The following NUP93 variants were observed in gnomAD, a reference collection of about 807,000 sequenced individuals.
NUP93 encodes nucleoporin 93.
In NUP93, 55 loss-of-function variants were observed where a neutral mutation model predicts 107.8. The observed-to-expected ratio is 0.51, with a 90% CI of 0.41 to 0.64. The LOEUF (loss-of-function observed/expected upper bound fraction) is 0.64, where lower values mean the gene tolerates loss of function less well. Ranked by LOEUF, NUP93 falls within the 30% of genes least tolerant of loss-of-function variation. The pLI is 0.00. For synonymous variants in NUP93, 390 were observed against 397.5 expected (o/e 0.98, Z 0.22); for missense variants, 937 against 1,044.7 (o/e 0.90, Z 1.42).
intron 3 of NUP93, among the ~76,000 whole-genome samples, chr16:56,775,146 C>T (rs1962394351): frequency 6.6e-6 from 1 of 152,120 alleles, no homozygotes; most frequent in African/African-American, 2.4e-5. Flanking sequence ...AGCGATCCAC[C>T]TACTTTGGCC....
intron 3 of NUP93, chr16:56,783,697 T>C: frequency 1.0e-6 from 1 of 985,408 alleles, no homozygotes; most frequent in Non-Finnish European, 1.2e-6. Context: ...TGTATCATGG[T>C]CGAGGTGAGC....
At chr16:56,756,427 A>T (rs978064019) in intron 2 of NUP93, among the ~76,000 whole-genome samples, 114 of 150,970 alleles carry the variant, frequency 7.6e-4, no homozygotes, top group Non-Finnish European at 1.3e-3. Context: ...GTTTGCTGAG[A>T]ATGATAGCTT....
rs886091902 is a variant in NUP93, at chr16:56,844,740, A to G, written c.*131A>G. The G allele has an allele frequency of 1.2e-5, 5 of 412,722 alleles. No homozygotes were observed. The highest frequency in any genetic ancestry group is 3.6e-5 in the East Asian group (1 of 28,102). The allele number at this position is 412,722 out of a possible 1,614,324, so 25.6% of individuals were successfully genotyped here. A position where few individuals can be genotyped will look rare whatever the true frequency, so the allele number is the denominator to read the frequency against. ...GTTTCTGTATTATGTATTTTTGTCA[A>G]CGCCAATAAATTTCTTTGATTTGTA... On this transcript the variant is annotated 3_prime_UTR_variant, in exon 22 of 22. Transcript: ENST00000308159.
rs1282662745 is a variant in NUP93 at position 56,834,398 on chromosome 16, A to G, written c.1693A>G (p.Met565Val). The change falls in exon 15 of 22, where the codon ATG becomes GTG. Residue 565 changes from methionine to valine, a missense_variant. Coordinates refer to ENST00000308159, the MANE Select transcript of NUP93 (RefSeq NM_014669.5). Reference sequence around the variant, plus strand: ...TGAGAAAGATAGTCAAGGAGAAAACATGTTTCTGCGCTGTGTGAGTGAGCT... The same window carrying G: ...TGAGAAAGATAGTCAAGGAGAAAACGTGTTTCTGCGCTGTGTGAGTGAGCT... ...RDEKDSQGEN[M>V]FLRCVSELVI... is the part of the protein sequence containing the mutation. 1 of 1,614,204 alleles carries G rather than the reference A, an allele frequency of 6.2e-7. No homozygotes were observed. The highest frequency in any genetic ancestry group is 1.1e-5 in the South Asian group (1 of 91,082).
Position 56,838,974 on chromosome 16 carries a change from G to C in NUP93, c.2041G>C (p.Ala681Pro), listed in dbSNP as rs190565265. ...CAGGTATAGGGCTCAAGGAATAAGC[G>C]CAAATAAATTTGTGGACTCCACGTT... The part of the protein sequence containing the change: ...AERYRAQGIS[A>P]NKFVDSTFYL... Residue 681 changes from alanine (A) to proline (P), a missense_variant, in exon 19 of 22, where the codon GCA becomes CCA. Physicochemically the swap from Ala to Pro is conservative, Grantham distance 27. Coordinates refer to ENST00000308159, the MANE Select transcript of NUP93 (RefSeq NM_014669.5). The C allele has an allele frequency of 5.0e-6, 8 of 1,613,730 alleles. No homozygotes were observed. Among genetic ancestry groups the C allele is most frequent in the Non-Finnish European group, 6.8e-6 (8 of 1,179,788 alleles).
At chr16:56,808,122 A>ACACAC in intron 5 of NUP93, among the ~76,000 whole-genome samples, 1 of 122,984 alleles carries the variant, frequency 8.1e-6, no homozygotes, top group Non-Finnish European at 1.7e-5. Flanking sequence ...TATATTATAT[A>ACACAC]ACTATATAAA....
intron 8 of NUP93, among the ~76,000 whole-genome samples, chr16:56,824,622 C>T (rs963273491): frequency 6.6e-6 from 1 of 152,226 alleles, no homozygotes; most frequent in Non-Finnish European, 1.5e-5. Flanking sequence ...CTTTGCCACT[C>T]AGCCTCTGCA....
intron 5 of NUP93, among the ~76,000 whole-genome samples, chr16:56,806,864 G>A (rs74021819): frequency 1.5e-3 from 229 of 152,254 alleles, no homozygotes; most frequent in African/African-American, 5.3e-3. Context: ...CCAGGAGGTG[G>A]GAGTTATTGG....
intron 1 of NUP93, among the ~76,000 whole-genome samples, chr16:56,737,468 T>C (rs1338207749): frequency 6.6e-6 from 1 of 152,194 alleles, no homozygotes; most frequent in Non-Finnish European, 1.5e-5. Flanking sequence ...TCTGAGAGAA[T>C]ACAGTTCAGT....
intron 9 of NUP93, among the ~76,000 whole-genome samples, chr16:56,830,119 T>A (rs1963749970): frequency 6.6e-6 from 1 of 152,188 alleles, no homozygotes; most frequent in Non-Finnish European, 1.5e-5. Context: ...ATAAGGATAG[T>A]CTCTTACTGG....
chr16:56,830,736 G>A, intron 10 of NUP93, 51 bp downstream of exon 10: 1 of 1,421,796 alleles, frequency 7.0e-7, no homozygotes, highest in Admixed American at 2.3e-5. Flanking sequence ...GAATCAAAGG[G>A]GCATCCTTCA....
intron 3 of NUP93, among the ~76,000 whole-genome samples, chr16:56,765,597 A>G (rs1009085114): frequency 6.6e-6 from 1 of 152,230 alleles, no homozygotes; most frequent in Non-Finnish European, 1.5e-5. Context: ...AAGACATTAC[A>G]TCTTACTGTG....
Position 56,829,123 on chromosome 16 carries a change from T to C in NUP93, c.927+14T>C. 5 of 1,608,610 alleles carry C rather than the reference T, an allele frequency of 3.1e-6. No individual in the cohort carries two copies. The East Asian group carries it at 1.1e-4, about 36-fold the overall frequency. On this transcript the variant is annotated intron_variant, in intron 9 of 21. Coordinates refer to ENST00000308159, the MANE Select transcript of NUP93 (RefSeq NM_014669.5). ...CCTGGACTACAGGTACTGACAACTT[T>C]CTCTGTGTGATCAGTTACACCCCCA...
intron 1 of NUP93, 189 bp from the exon 2 acceptor site, chr16:56,748,045 C>T (rs1961851095): frequency 2.2e-6 from 1 of 446,180 alleles, no homozygotes; most frequent in Non-Finnish European, 4.1e-6. Context: ...TTTTTCACAG[C>T]CTGACTCATT....
At chr16:56,773,701 G>A (rs1962362357) in intron 3 of NUP93, among the ~76,000 whole-genome samples, 1 of 152,188 alleles carries the variant, frequency 6.6e-6, no homozygotes, top group South Asian at 2.1e-4. Context: ...GTTTTAACAA[G>A]TACTCCAGCT....
At chr16:56,818,042 G>A (rs993310473) in intron 5 of NUP93, among the ~76,000 whole-genome samples, 35 of 152,140 alleles carry the variant, frequency 2.3e-4, no homozygotes, top group African/African-American at 7.0e-4. Context: ...GACAGGCTTC[G>A]CAGGCTGGGT....
At chr16:56,840,813 T>C (rs1964009742) in intron 20 of NUP93, among the ~76,000 whole-genome samples, 1 of 152,026 alleles carries the variant, frequency 6.6e-6, no homozygotes, top group African/African-American at 2.4e-5. Context: ...CTGGCCAACA[T>C]GGTAAAATCC....
At chr16:56,820,261 C>T (rs1249442892) in intron 6 of NUP93, among the ~76,000 whole-genome samples, 1 of 152,248 alleles carries the variant, frequency 6.6e-6, no homozygotes, top group Non-Finnish European at 1.5e-5. Flanking sequence ...GTAAGAAATG[C>T]TCATTGAGTG....
intron 3 of NUP93, among the ~76,000 whole-genome samples, chr16:56,777,290 G>A (rs532577075): frequency 1.8e-4 from 27 of 152,070 alleles, no homozygotes; most frequent in African/African-American, 5.8e-4. Flanking sequence ...GGTGCATTTC[G>A]TATCTGGCCC....
Sources: allele counts gnomAD v4.1 joint callset (sites outside exome capture counted in the v4.1 genomes callset), GRCh38; gene constraint gnomAD v4.1.1; transcripts MANE v1.5; gene names NCBI Gene and HGNC (gene_info 2026-07-23, HGNC 2026-07-21).